The following RABEP1 variants were observed in gnomAD, a reference collection of about 807,000 sequenced individuals.
RABEP1 encodes the protein rabaptin, RAB GTPase binding effector protein 1.
In RABEP1, 51 loss-of-function variants were observed where a neutral mutation model predicts 123.4. That is an observed-to-expected ratio of 0.41 (90% CI 0.33 to 0.52). The LOEUF is 0.52. Ranked by LOEUF, RABEP1 falls within the 20% of genes least tolerant of loss-of-function variation. The pLI is 0.16. For missense variants in RABEP1, 888 were observed against 996.3 expected, an observed-to-expected ratio of 0.89 and a Z score of 1.46; for synonymous variants, 347 against 355.2, an observed-to-expected ratio of 0.98 and a Z score of 0.26.
At chr17:5,367,226 A>G (rs1167060456) in intron 11 of RABEP1, among the ~76,000 whole-genome samples, 1 of 150,610 alleles carries the variant, frequency 6.6e-6, no homozygotes, top group Non-Finnish European at 1.5e-5. Context: ...TTATATCTAA[A>G]ATTCCTCTAG....
chr17:5,378,083 G>C (rs1011697490), intron 14 of RABEP1, 94 bp from the exon 15 acceptor site: 15 of 923,332 alleles, frequency 1.6e-5, no homozygotes, highest in Non-Finnish European at 2.5e-5. Context: ...GCATACATTT[G>C]AATCCTTTGG....
chr17:5,296,714 A>G (rs891763670), intron 1 of RABEP1, among the ~76,000 whole-genome samples: 8 of 152,134 alleles, frequency 5.3e-5, no homozygotes, highest in Admixed American at 3.3e-4. Context: ...TTGTATAGCT[A>G]TTGCATAATT....
Position 5,294,633 on chromosome 17 carries a change from C to CTTTT in RABEP1, c.34+12142_34+12145dup, listed in dbSNP as rs1185209680. Among the ~76,000 whole-genome samples the CTTTT allele has an allele frequency of 3.7e-3, 194 of 53,022 alleles. 55 individuals carry two copies. Among genetic ancestry groups the CTTTT allele is most frequent in the Non-Finnish European group, 5.9e-3 (171 of 29,082 alleles). The allele number at this position is 53,022 out of a possible 152,430, so 34.8% of individuals were successfully genotyped here. The stretch of plus-strand genomic sequence containing the variant: ...AGATACTGAGGGAAAACGGTATTGT[C>CTTTT]TTTTTTTTTTTTTTTTTTTTTTTTT... On this transcript the variant is annotated intron_variant, in intron 1 of 17. Transcript: ENST00000537505.
chr17:5,367,704 T>C (rs1910176514), intron 11 of RABEP1, among the ~76,000 whole-genome samples: 1 of 151,264 alleles, frequency 6.6e-6, no homozygotes, highest in Non-Finnish European at 1.5e-5. Flanking sequence ...CTGTTTGCCT[T>C]TTTTTTGTGC....
Position 5,361,049 on chromosome 17 carries a change from C to T in RABEP1, c.1096-159C>T, listed in dbSNP as rs190910877. Reference sequence around the variant, plus strand: ...CCTGAGGGCCTGGTTTTGTGTCCAGCATGTAGAAATGACACTTAGTGTTTG... The same window carrying T: ...CCTGAGGGCCTGGTTTTGTGTCCAGTATGTAGAAATGACACTTAGTGTTTG... On this transcript the variant is annotated intron_variant, in intron 8 of 17. Coordinates refer to ENST00000537505, the MANE Select transcript of RABEP1 (RefSeq NM_004703.6). The T allele has an allele frequency of 9.3e-5, 63 of 676,424 alleles. No homozygotes were observed. In the East Asian group the frequency reaches 1.7e-3, roughly 18 times the overall value. 41.9% of individuals were successfully genotyped at this position (676,424 alleles called of 1,614,324 possible). A position where few individuals can be genotyped will look rare whatever the true frequency, so the allele number is the denominator to read the frequency against.
intron 13 of RABEP1, among the ~76,000 whole-genome samples, chr17:5,376,754 GTCT>G (rs1419400289): frequency 1.3e-5 from 2 of 152,134 alleles, no homozygotes; most frequent in Non-Finnish European, 2.9e-5. Flanking sequence ...ACTCAGTTTT[GTCT>G]TCATTTCCTA....
intron 1 of RABEP1, among the ~76,000 whole-genome samples, chr17:5,294,419 A>T (rs1294720074): frequency 6.6e-6 from 1 of 152,058 alleles, no homozygotes; most frequent in Non-Finnish European, 1.5e-5. Flanking sequence ...AATACAAATT[A>T]AAAAATGCAG....
At chr17:5,292,823 A>G (rs1597326276) in intron 1 of RABEP1, among the ~76,000 whole-genome samples, 1 of 152,076 alleles carries the variant, frequency 6.6e-6, no homozygotes, top group East Asian at 1.9e-4. Context: ...CTGAGACTAC[A>G]GGCATGCACC....
At chr17:5,309,790 A>G (rs1402038591) in intron 2 of RABEP1, among the ~76,000 whole-genome samples, 6 of 152,208 alleles carry the variant, frequency 3.9e-5, no homozygotes, top group Admixed American at 3.9e-4. Context: ...TGTAGTTTCC[A>G]CAGCTCTCTA....
At chr17:5,353,211 T>C (rs1187641944) in intron 7 of RABEP1, among the ~76,000 whole-genome samples, 1 of 152,222 alleles carries the variant, frequency 6.6e-6, no homozygotes. Context: ...TTTCTGTCTT[T>C]TGTATGTGCC....
rs369129387 is a variant in RABEP1, at chr17:5,360,106, C to G, written c.1096-1102C>G. On this transcript the variant is annotated intron_variant, in intron 8 of 17. Transcript: ENST00000537505. ...CCCATTAGAGTCACTCGCCATTTTC[C>G]CTTTGCCCTAGCCTCTAGTAACCAC... Among the ~76,000 whole-genome samples the G allele has an allele frequency of 1.5e-4, 23 of 152,338 alleles. No individual in the cohort carries two copies. The East Asian group carries it at 4.4e-3, about 29-fold the overall frequency.
At chr17:5,382,928 C>T (rs939179588) in intron 17 of RABEP1, among the ~76,000 whole-genome samples, 194 bp from the exon 18 acceptor site, 2 of 144,816 alleles carry the variant, frequency 1.4e-5, no homozygotes, top group African/African-American at 5.8e-5. Context: ...AACTCTCCCC[C>T]CCAAAAAAAA....
At chr17:5,326,800 C>T (rs149383504) in intron 2 of RABEP1, among the ~76,000 whole-genome samples, 235 of 152,126 alleles carry the variant, frequency 1.5e-3, no homozygotes, top group African/African-American at 4.8e-3. Context: ...ACTGCTAAAA[C>T]GTTTATTAAA....
In RABEP1 at chr17:5,378,210, G is replaced by C. The variant is rs1344733881; in HGVS notation, c.2249G>C (p.Arg750Thr). Residue 750 changes from arginine (R) to threonine (T), a missense_variant, in exon 15 of 18, where the codon AGA becomes ACA. By Grantham distance (71) the Arg-to-Thr change is moderately conservative (BLOSUM62 -1). Transcript: ENST00000537505. ...TCTAGCCTAAAAGCTGAATTAGAAA[G>C]AATAAAAGTGGAAAAAGGACAGGTA... is the stretch of plus-strand genomic sequence containing the variant. ...SISSLKAELERIKVEKGQLES... is the reference protein window; with the variant it reads ...SISSLKAELETIKVEKGQLES... 6.3e-7 allele frequency: 1 copy of C among 1,594,114 alleles called. No individual in the cohort carries two copies. Among genetic ancestry groups the C allele is most frequent in the Admixed American group, 1.7e-5 (1 of 59,922 alleles).
At chr17:5,284,907 C>T (rs1407883632) in intron 1 of RABEP1, among the ~76,000 whole-genome samples, 1 of 150,414 alleles carries the variant, frequency 6.6e-6, no homozygotes, top group Non-Finnish European at 1.5e-5. Context: ...TGAAAGATAA[C>T]TAACTGCTTA....
At chr17:5,298,101 C>T (rs905791718) in intron 1 of RABEP1, among the ~76,000 whole-genome samples, 2 of 152,084 alleles carry the variant, frequency 1.3e-5, no homozygotes, top group Admixed American at 6.6e-5. Flanking sequence ...CTTGCTATTT[C>T]GGAAAAGCCC....
intron 5 of RABEP1, among the ~76,000 whole-genome samples, chr17:5,344,990 G>A (rs1021555623): frequency 1.3e-5 from 2 of 151,848 alleles, no homozygotes; most frequent in Non-Finnish European, 2.9e-5. Flanking sequence ...AAAATAAACA[G>A]GTAAAGTGTA....
intron 2 of RABEP1, among the ~76,000 whole-genome samples, chr17:5,313,616 A>G (rs1238016583): frequency 6.6e-6 from 1 of 152,236 alleles, no homozygotes; most frequent in African/African-American, 2.4e-5. Flanking sequence ...AGCTTGTAAC[A>G]TGGGTTGGTT....
chr17:5,305,845 C>T (rs573653442), intron 1 of RABEP1, among the ~76,000 whole-genome samples: 19 of 152,282 alleles, frequency 1.2e-4, no homozygotes, highest in African/African-American at 4.6e-4. Flanking sequence ...GTGGATTTCT[C>T]ATCCCTCTTT....
Sources: allele counts gnomAD v4.1 joint callset (sites outside exome capture counted in the v4.1 genomes callset), GRCh38; gene constraint gnomAD v4.1.1; transcripts MANE v1.5; gene names NCBI Gene and HGNC (gene_info 2026-07-23, HGNC 2026-07-21).